Variants in GRAMD1C observed in about 807,000 individuals in gnomAD.
The protein encoded by GRAMD1C is protein Aster-C.
In GRAMD1C, 89 loss-of-function variants were observed where a neutral mutation model predicts 97.8. That is an observed-to-expected ratio of 0.91 (90% CI 0.77 to 1.09). The LOEUF (loss-of-function observed/expected upper bound fraction) is 1.09. Among genes scored for constraint, GRAMD1C ranks in the 50% least tolerant of loss-of-function variants. The pLI, the probability that GRAMD1C is intolerant of heterozygous loss-of-function variation, is 0.00. For missense variants in GRAMD1C, 740 were observed against 766.4 expected (o/e 0.97, Z 0.41); for synonymous variants, 256 against 267.0 (o/e 0.96, Z 0.40).
At chr3:113,834,324 C>A (rs941072014), upstream of GRAMD1C, among the ~76,000 whole-genome samples, 1 of 152,020 alleles carries the variant, frequency 6.6e-6, no homozygotes, top group African/African-American at 2.4e-5. Context: ...GGATTACAGG[C>A]GCCTGCCACC....
chr3:113,881,171 C>G (rs554715134), intron 5 of GRAMD1C, among the ~76,000 whole-genome samples: 53 of 152,160 alleles, frequency 3.5e-4, no homozygotes, highest in African/African-American at 1.2e-3. Flanking sequence ...TTATTTTTGT[C>G]TGAGATGGAG....
At chr3:113,921,369 C>A (rs187712123) in intron 10 of GRAMD1C, among the ~76,000 whole-genome samples, 1 of 152,308 alleles carries the variant, frequency 6.6e-6, no homozygotes, top group Admixed American at 6.5e-5. Context: ...CTGTGATGAA[C>A]ATTCTTATGC....
At chr3:113,876,295 T>C (rs1302634914) in intron 5 of GRAMD1C, 35 bp downstream of exon 5, 1 of 1,152,390 alleles carries the variant, frequency 8.7e-7, no homozygotes, top group South Asian at 1.3e-5. Flanking sequence ...TATTACATAA[T>C]GTGAAGAAAA....
At chr3:113,900,687 A>G (rs969170986) in intron 6 of GRAMD1C, among the ~76,000 whole-genome samples, 5 of 151,724 alleles carry the variant, frequency 3.3e-5, no homozygotes, top group African/African-American at 1.2e-4. Context: ...CAGCCTCCCA[A>G]AGTGCTGGGA....
upstream of GRAMD1C, among the ~76,000 whole-genome samples, chr3:113,834,426 G>A (rs1278505309): frequency 6.6e-6 from 1 of 152,044 alleles, no homozygotes; most frequent in African/African-American, 2.4e-5. Flanking sequence ...GGATCCACCT[G>A]CCTTGGTCTC....
At chr3:113,850,789 T>G (rs935667889) in intron 2 of GRAMD1C, 1 of 796,094 alleles carries the variant, frequency 1.3e-6, no homozygotes, top group Non-Finnish European at 1.8e-6. Context: ...ATTTTTTTTT[T>G]ATTTTTATTT....
intron 3 of GRAMD1C, among the ~76,000 whole-genome samples, chr3:113,872,368 G>A (rs571434552): frequency 9.5e-5 from 14 of 147,946 alleles, no homozygotes; most frequent in African/African-American, 3.5e-4. Flanking sequence ...GCACTACTAT[G>A]AATCCACTTC....
intron 17 of GRAMD1C, among the ~76,000 whole-genome samples, chr3:113,941,680 A>G (rs1380538059): frequency 2.7e-5 from 4 of 148,592 alleles, no homozygotes; most frequent in Non-Finnish European, 5.9e-5. Flanking sequence ...GTGCAGTGGC[A>G]CAATCTCAGC....
At chr3:113,926,773 G>A (rs566944123) in intron 10 of GRAMD1C, among the ~76,000 whole-genome samples, 1 of 152,268 alleles carries the variant, frequency 6.6e-6, no homozygotes, top group East Asian at 1.9e-4. Context: ...GGGGGCCCAG[G>A]CTCAGCTCAG....
intron 17 of GRAMD1C, among the ~76,000 whole-genome samples, chr3:113,942,292 T>G (rs1937840621): frequency 6.6e-6 from 1 of 152,156 alleles, no homozygotes; most frequent in Non-Finnish European, 1.5e-5. Flanking sequence ...ATTTTTTAAA[T>G]CTTCTTCTGG....
intron 8 of GRAMD1C, 96 bp from the exon 9 acceptor site, chr3:113,908,862 C>A: frequency 3.1e-6 from 2 of 648,654 alleles, no homozygotes; most frequent in South Asian, 2.1e-5. Flanking sequence ...TTCTTCAAAG[C>A]TCAATATTTC....
At chr3:113,914,231 G>A (rs545461922) in intron 9 of GRAMD1C, among the ~76,000 whole-genome samples, 1 of 152,284 alleles carries the variant, frequency 6.6e-6, no homozygotes, top group South Asian at 2.1e-4. Context: ...GCCTAGTTTT[G>A]TGATTCATTT....
At chr3:113,849,237 G>A (rs1933744800) in intron 2 of GRAMD1C, among the ~76,000 whole-genome samples, 1 of 151,682 alleles carries the variant, frequency 6.6e-6, no homozygotes, top group Non-Finnish European at 1.5e-5. Context: ...TTTAATAGAA[G>A]TAATAGTGCT....
intron 2 of GRAMD1C, among the ~76,000 whole-genome samples, chr3:113,867,941 C>T (rs749147131): frequency 7.2e-5 from 11 of 152,096 alleles, no homozygotes; most frequent in East Asian, 1.9e-4. Flanking sequence ...GATGTTGTCC[C>T]GTAGGTCTCT....
At position 113,940,335 on chromosome 3, in the gene GRAMD1C, T is replaced by C; in HGVS notation, c.1898T>C (p.Met633Thr). The C allele has an allele frequency of 6.4e-7, 1 of 1,558,660 alleles. No homozygotes were observed. The highest frequency in any genetic ancestry group is 8.9e-7 in the Non-Finnish European group (1 of 1,129,654). Residue 633 changes from methionine (M) to threonine (T), a missense_variant, in exon 17 of 18, where the codon ATG (methionine) becomes ACG (threonine). Coordinates refer to ENST00000358160, the MANE Select transcript of GRAMD1C (RefSeq NM_017577.5). Reference sequence around the variant, plus strand: ...GGAGTGCTCCGAGACTCCATAGTGATGCTTGAACAGGTAGGCAACTCGATA... The same window carrying C: ...GGAGTGCTCCGAGACTCCATAGTGACGCTTGAACAGGTAGGCAACTCGATA... The part of the protein sequence containing the change: ...LKGVLRDSIV[M>T]LEQLKSSLIM...
chr3:113,903,108 G>T (rs1936236878), intron 7 of GRAMD1C, among the ~76,000 whole-genome samples: 1 of 151,546 alleles, frequency 6.6e-6, no homozygotes, highest in East Asian at 1.9e-4. Context: ...GAGACTTCAG[G>T]TGCGTGCCAC....
chr3:113,835,865 C>G (rs896756533), upstream of GRAMD1C, among the ~76,000 whole-genome samples: 1 of 152,156 alleles, frequency 6.6e-6, no homozygotes, highest in Non-Finnish European at 1.5e-5. Context: ...TTATGTTTAA[C>G]AGAACACAGT....
chr3:113,856,370 C>T (rs1934128051), intron 2 of GRAMD1C, among the ~76,000 whole-genome samples: 1 of 152,082 alleles, frequency 6.6e-6, no homozygotes, highest in Non-Finnish European at 1.5e-5. Context: ...AGTACAATAT[C>T]ACAATTAAGC....
At chr3:113,844,153 G>T (rs1933505296) in intron 1 of GRAMD1C, among the ~76,000 whole-genome samples, 1 of 152,180 alleles carries the variant, frequency 6.6e-6, no homozygotes, top group Non-Finnish European at 1.5e-5. Flanking sequence ...ACTTGGCTGG[G>T]TGAGGTGGCT....
Sources: allele counts gnomAD v4.1 joint callset (sites outside exome capture counted in the v4.1 genomes callset), GRCh38; gene constraint gnomAD v4.1.1; transcripts MANE v1.5; gene names NCBI Gene and HGNC (gene_info 2026-07-23, HGNC 2026-07-21).